Variants in ZNF148 observed in about 807,000 individuals in gnomAD.
The protein encoded by ZNF148 is zinc finger protein 148, also known as Beta-Enolase Repressor Factor-1.
In ZNF148, 7 loss-of-function variants were observed where a neutral mutation model predicts 67.7. The ratio of observed to expected loss-of-function variants is 0.10; its 90% CI spans 0.06 to 0.19. The LOEUF (loss-of-function observed/expected upper bound fraction) is 0.19. Ranked by LOEUF, ZNF148 falls within the 10% of genes least tolerant of loss-of-function variation. ZNF148 has a pLI of 1.00. For missense variants in ZNF148, 583 were observed against 947.1 expected (o/e 0.62, Z 5.05); for synonymous variants, 333 against 330.7 (o/e 1.01, Z -0.08).
intron 3 of ZNF148, among the ~76,000 whole-genome samples, chr3:125,323,079 T>C (rs1940855004): frequency 6.6e-6 from 1 of 152,132 alleles, no homozygotes; most frequent in Non-Finnish European, 1.5e-5. Flanking sequence ...TCAATTAAAT[T>C]TCACTTAAGA....
intron 4 of ZNF148, among the ~76,000 whole-genome samples, chr3:125,305,049 A>AT (rs1418361859): frequency 6.6e-6 from 1 of 152,224 alleles, no homozygotes; most frequent in Non-Finnish European, 1.5e-5. Context: ...ACAGTAATAG[A>AT]TTTTAACCCA....
intron 3 of ZNF148, among the ~76,000 whole-genome samples, chr3:125,315,297 T>C (rs1338091365): frequency 2.0e-5 from 3 of 152,116 alleles, no homozygotes; most frequent in African/African-American, 7.2e-5. Flanking sequence ...TATATTAAAA[T>C]ACCTTAAAAA....
rs752542874 is a variant in ZNF148, at chr3:125,317,662, T to TATATATATAGAGAGAGAGAGAGAGAG, written c.-16-4007_-16-4006insCTCTCTCTCTCTCTCTCTATATATAT. Among the ~76,000 whole-genome samples the TATATATATAGAGAGAGAGAGAGAGAG allele has an allele frequency of 5.8e-3, 522 of 89,878 alleles. 3 individuals carry two copies. Among genetic ancestry groups the TATATATATAGAGAGAGAGAGAGAGAG allele is most frequent in the Non-Finnish European group, 7.3e-3 (336 of 45,794 alleles). 59.0% of individuals were successfully genotyped at this position (89,878 alleles called of 152,430 possible). On this transcript the variant is annotated intron_variant, in intron 3 of 8. Coordinates refer to ENST00000360647, the MANE Select transcript of ZNF148 (RefSeq NM_021964.3). The stretch of plus-strand genomic sequence containing the variant: ...GATCTTTTATATATATATATATATA[T>TATATATATAGAGAGAGAGAGAGAGAG]AGAGAGAGAGAGAGAGAAATACATA...
At chr3:125,302,520 T>C (rs1275205372) in intron 4 of ZNF148, among the ~76,000 whole-genome samples, 1 of 152,254 alleles carries the variant, frequency 6.6e-6, no homozygotes, top group Non-Finnish European at 1.5e-5. Context: ...TGTTCTACTA[T>C]AAACCAATGT....
Position 125,232,756 on chromosome 3 carries a change from T to C in ZNF148, c.1970A>G (p.Asn657Ser), listed in dbSNP as rs770071542. 11 of 1,613,766 alleles carry C rather than the reference T, an allele frequency of 6.8e-6. No individual in the cohort carries two copies. The highest frequency in any genetic ancestry group is 1.6e-4 in the Middle Eastern group (1 of 6,080). ...AGAATTCATTCCTGATCGAAAGCTATTGATGGGCATGGTGGCATAGACCTG... is the reference window on the plus strand; with the variant it reads ...AGAATTCATTCCTGATCGAAAGCTACTGATGGGCATGGTGGCATAGACCTG... The part of the protein sequence containing the change: ...DKQVYATMPI[N>S]SFRSGMNSPL... The change falls in exon 9 of 9, where the codon AAT becomes AGT. Residue 657 changes from asparagine (N) to serine (S), a missense_variant. Physicochemically the swap from Asn to Ser is conservative, Grantham distance 46. Transcript: ENST00000360647. This position sits in a 1 kb window ranked among gnomAD's most constrained non-coding sequence, Gnocchi z 4.2.
intron 4 of ZNF148, among the ~76,000 whole-genome samples, chr3:125,290,967 C>T (rs1237300763): frequency 6.6e-6 from 1 of 152,116 alleles, no homozygotes; most frequent in Non-Finnish European, 1.5e-5. Context: ...ATCTGCTACT[C>T]TTCTTAACTT....
chr3:125,345,824 GC>G (rs113143685), intron 1 of ZNF148, among the ~76,000 whole-genome samples: 6 of 151,508 alleles, frequency 4.0e-5, no homozygotes, highest in African/African-American at 1.2e-4. Flanking sequence ...TAATTTAAAA[GC>G]CCCCCCAACT....
At chr3:125,329,032 T>C (rs1461964964) in intron 2 of ZNF148, among the ~76,000 whole-genome samples, 3 of 150,800 alleles carry the variant, frequency 2.0e-5, no homozygotes, top group African/African-American at 4.9e-5. Flanking sequence ...TGTACATGTA[T>C]AGAAATTGTC....
intron 7 of ZNF148, among the ~76,000 whole-genome samples, chr3:125,250,783 T>C (rs1336492453): frequency 6.6e-6 from 1 of 152,224 alleles, no homozygotes; most frequent in African/African-American, 2.4e-5. Flanking sequence ...AATATATTTA[T>C]CTTAAACCAC....
intron 1 of ZNF148, among the ~76,000 whole-genome samples, chr3:125,359,341 C>T (rs1215542138): frequency 6.6e-6 from 1 of 152,304 alleles, no homozygotes; most frequent in Admixed American, 6.5e-5. Flanking sequence ...ACCAATACTA[C>T]GTATTTTGTG....
rs527544271 is a variant in ZNF148, at chr3:125,256,541, T to A, written c.667+21185A>T. ...AAATACAAAAATTAGCCAGCCATGA[T>A]GGCAGATGCCTGTAATCCCAGCTAC... On this transcript the variant is annotated intron_variant, in intron 7 of 8. Transcript: ENST00000360647. 2.6e-4 allele frequency among the ~76,000 whole-genome samples: 39 copies of A among 152,076 alleles called. No individual in the cohort carries two copies. In the South Asian group the frequency reaches 7.7e-3, roughly 30 times the overall value.
intron 2 of ZNF148, among the ~76,000 whole-genome samples, chr3:125,329,930 T>C (rs1350829812): frequency 6.6e-6 from 1 of 152,168 alleles, no homozygotes. Context: ...TAAATACTTG[T>C]ATATGTATAG....
chr3:125,322,474 G>C (rs1271698471), intron 3 of ZNF148, among the ~76,000 whole-genome samples: 2 of 129,978 alleles, frequency 1.5e-5, no homozygotes, highest in Non-Finnish European at 1.6e-5. Context: ...AGCCTCCTTT[G>C]CAACTGGTTG....
intron 2 of ZNF148, among the ~76,000 whole-genome samples, chr3:125,327,336 T>C (rs142428905): frequency 1.1e-3 from 164 of 152,274 alleles, no homozygotes; most frequent in African/African-American, 3.8e-3. Flanking sequence ...ACAGAATAAT[T>C]AGACAGAAAA....
At chr3:125,368,944 C>CA (rs1025254983) in intron 1 of ZNF148, among the ~76,000 whole-genome samples, 4 of 65,960 alleles carry the variant, frequency 6.1e-5, no homozygotes, top group African/African-American at 3.2e-4. Context: ...GGCTCCATCT[C>CA]AAAAAACAAA....
chr3:125,258,522 C>T (rs558330546), intron 7 of ZNF148, among the ~76,000 whole-genome samples: 1 of 151,520 alleles, frequency 6.6e-6, no homozygotes, highest in Non-Finnish European at 1.5e-5. Flanking sequence ...CCACCTTATC[C>T]TCCCAAGTAG....
intron 7 of ZNF148, among the ~76,000 whole-genome samples, chr3:125,272,232 T>A (rs1937783897): frequency 6.6e-6 from 1 of 152,250 alleles, no homozygotes. Context: ...ACCATTGTGT[T>A]GGAAATCTGA....
At chr3:125,359,327 G>T (rs1942464582) in intron 1 of ZNF148, among the ~76,000 whole-genome samples, 2 of 152,188 alleles carry the variant, frequency 1.3e-5, no homozygotes, top group Admixed American at 1.3e-4. Flanking sequence ...CACTAGGATG[G>T]AACACCAATA....
intron 5 of ZNF148, among the ~76,000 whole-genome samples, chr3:125,287,890 A>G (rs1252608915): frequency 6.6e-6 from 1 of 152,202 alleles, no homozygotes; most frequent in Non-Finnish European, 1.5e-5. Flanking sequence ...GGAAAAAGAA[A>G]AGTTCACTTT....
Sources: gnomAD v4.1 joint callset for allele counts (sites outside exome capture counted in the v4.1 genomes callset) on GRCh38, gnomAD v4.1.1 for gene constraint, Gnocchi (gnomAD v3.1) non-coding constraint, MANE v1.5 for transcripts, NCBI Gene and HGNC (gene_info 2026-07-23, HGNC 2026-07-21) for gene names.